Variants in PCDHA11 observed in about 807,000 individuals in gnomAD.
PCDHA11 encodes the protein protocadherin alpha 11, also known as protocadherin alpha-11.
A neutral mutation model predicts 70.3 loss-of-function variants in PCDHA11; 61 were observed. The observed-to-expected ratio is 0.87, with a 90% CI of 0.71 to 1.07. The LOEUF is 1.07. Ranked by LOEUF, PCDHA11 falls within the 50% of genes least tolerant of loss-of-function variation. The pLI is 0.00. For missense variants in PCDHA11, 1,324 were observed against 1,237.5 expected (o/e 1.07, Z -1.05); for synonymous variants, 633 against 555.1 (o/e 1.14, Z -1.97).
intron 1 of PCDHA11, among the ~76,000 whole-genome samples, chr5:140,915,048 C>T (rs782399136): frequency 2.0e-5 from 3 of 151,284 alleles, no homozygotes; most frequent in East Asian, 1.9e-4. Context: ...TGGGTTCAAG[C>T]GATTCTCCTG....
At chr5:140,899,508 T>C (rs1389762615) in intron 1 of PCDHA11, among the ~76,000 whole-genome samples, 4 of 151,990 alleles carry the variant, frequency 2.6e-5, no homozygotes, top group Admixed American at 1.3e-4. Flanking sequence ...GATTTGCATA[T>C]ATTGCATCCC....
At chr5:140,967,113 G>T in intron 1 of PCDHA11, 1 of 1,612,880 alleles carries the variant, frequency 6.2e-7, no homozygotes, top group Non-Finnish European at 8.5e-7. Flanking sequence ...CAGCGGCCTC[G>T]CTGCCTGCTC....
chr5:140,883,362 C>T lies in PCDHA11; in HGVS notation c.2391+11868C>T, dbSNP rs1554177843. ...CTCCCCATCAGAGAAGACACTCAGC[C>T]TAGCGCCATTATTGCCCTAATCAGT... On this transcript the variant is annotated intron_variant, in intron 1 of 3. Transcript: ENST00000398640. The T allele has an allele frequency of 1.7e-5, 27 of 1,614,074 alleles. No homozygotes were observed. Among genetic ancestry groups the T allele is most frequent in the Non-Finnish European group, 2.3e-5 (27 of 1,180,046 alleles).
chr5:140,966,216 C>T (rs1189015388), intron 1 of PCDHA11: 1 of 247,072 alleles, frequency 4.0e-6, no homozygotes, highest in African/African-American at 2.2e-5. Flanking sequence ...TTTTCCCAGA[C>T]TAATCTCCTT....
chr5:140,957,792 T>C (rs148659760), intron 1 of PCDHA11, among the ~76,000 whole-genome samples: 1 of 152,230 alleles, frequency 6.6e-6, no homozygotes, highest in East Asian at 1.9e-4. Flanking sequence ...TCATCATATA[T>C]GTTAAGTAAA....
At chr5:140,891,402 C>T (rs2153434100) in intron 1 of PCDHA11, among the ~76,000 whole-genome samples, 1 of 151,650 alleles carries the variant, frequency 6.6e-6, no homozygotes, top group East Asian at 1.9e-4. Context: ...TATCCCTCGC[C>T]ACCCCCCACT....
intron 2 of PCDHA11, among the ~76,000 whole-genome samples, chr5:140,980,702 G>A (rs1472407152): frequency 6.6e-6 from 1 of 151,558 alleles, no homozygotes; most frequent in Non-Finnish European, 1.5e-5. Flanking sequence ...AAAGCCAAAT[G>A]TGCTCCTATT....
chr5:140,908,456 T>C (rs557022321), intron 1 of PCDHA11, among the ~76,000 whole-genome samples: 2 of 152,174 alleles, frequency 1.3e-5, no homozygotes, highest in South Asian at 4.1e-4. Context: ...GCTAGATGGA[T>C]CAGAAAGCAC....
chr5:141,005,701 CAAAAAAAAAAAAAAAA>C (rs59860837), intron 3 of PCDHA11, among the ~76,000 whole-genome samples: 5 of 7,786 alleles, frequency 6.4e-4, no homozygotes, highest in African/African-American at 1.9e-3. Context: ...AACTCCGTCT[CAAAAAAAAAAAAAAAA>C]AAAAAAAAAA....
chr5:140,920,692 A>T (rs552577858), intron 1 of PCDHA11, among the ~76,000 whole-genome samples: 7 of 152,114 alleles, frequency 4.6e-5, no homozygotes, highest in Non-Finnish European at 7.4e-5. Flanking sequence ...AAAAATACAA[A>T]CATTAGCTTG....
intron 1 of PCDHA11, among the ~76,000 whole-genome samples, chr5:140,961,885 C>G (rs2095640261): frequency 6.7e-6 from 1 of 149,548 alleles, no homozygotes. Context: ...TTACTTACAT[C>G]AGTTTTTTTT....
At chr5:140,877,686 G>C in intron 1 of PCDHA11, 1 of 1,613,818 alleles carries the variant, frequency 6.2e-7, no homozygotes, top group South Asian at 1.1e-5. Context: ...GCAAGCCCAC[G>C]CTGGTGTGCT....
chr5:140,926,958 C>G (rs782614627), intron 1 of PCDHA11: 3 of 1,603,116 alleles, frequency 1.9e-6, no homozygotes, highest in Admixed American at 1.7e-5. Context: ...CGGGACAGCT[C>G]GAGTACTCAG....
At chr5:140,911,439 A>C (rs2075473101) in intron 1 of PCDHA11, among the ~76,000 whole-genome samples, 2 of 152,080 alleles carry the variant, frequency 1.3e-5, no homozygotes, top group Admixed American at 1.3e-4. Context: ...AATTTCCCGC[A>C]ATTTCAGCTC....
intron 2 of PCDHA11, among the ~76,000 whole-genome samples, chr5:140,980,258 G>A (rs2096882497): frequency 6.6e-6 from 1 of 152,164 alleles, no homozygotes; most frequent in Non-Finnish European, 1.5e-5. Context: ...GTAAAAGCAT[G>A]GTTTACAGTA....
At chr5:140,912,674 A>G (rs184432134) in intron 1 of PCDHA11, among the ~76,000 whole-genome samples, 14 of 152,238 alleles carry the variant, frequency 9.2e-5, no homozygotes, top group Admixed American at 7.2e-4. Flanking sequence ...GGCATCCTTG[A>G]CTTATTCCAG....
chr5:140,876,481 C>G, intron 1 of PCDHA11: 1 of 1,613,996 alleles, frequency 6.2e-7, no homozygotes, highest in Non-Finnish European at 8.5e-7. Context: ...CAGCATGGTC[C>G]TGGTGGAAGT....
At chr5:140,884,665 A>G (rs1554181817) in intron 1 of PCDHA11, 9 of 1,578,032 alleles carry the variant, frequency 5.7e-6, no homozygotes, top group Non-Finnish European at 7.7e-6. Context: ...TGAAAGAGGT[A>G]AGCTTATATT....
intron 1 of PCDHA11, among the ~76,000 whole-genome samples, chr5:140,955,338 C>T (rs1232401709): frequency 6.6e-6 from 1 of 152,062 alleles, no homozygotes; most frequent in African/African-American, 2.4e-5. Flanking sequence ...TCCCATAATC[C>T]CCACATGTTG....
Sources: gnomAD v4.1 joint callset for allele counts (sites outside exome capture counted in the v4.1 genomes callset) on GRCh38, gnomAD v4.1.1 for gene constraint, MANE v1.5 for transcripts, NCBI Gene and HGNC (gene_info 2026-07-23, HGNC 2026-07-21) for gene names.